RYR2: variants seen among roughly 807,000 people sequenced by gnomAD.
The protein encoded by RYR2 is ryanodine receptor 2, also known as cardiac muscle ryanodine receptor-calcium release channel.
RYR2 carries 227 observed loss-of-function variants against 601.1 expected under a neutral mutation model. The observed-to-expected ratio is 0.38, with a 90% CI of 0.34 to 0.42. RYR2 has a LOEUF of 0.42. Among genes scored for constraint, RYR2 ranks in the 10% least tolerant of loss-of-function variants. The probability of loss-of-function intolerance (pLI) is 1.00; values close to 1 mark genes in which losing one functional copy is unlikely to be tolerated. For missense variants in RYR2, 4,646 were observed against 6,156.5 expected (o/e 0.75, Z 8.21); for synonymous variants, 2,223 against 2,175.1 (o/e 1.02, Z -0.61).
At chr1:237,125,091 T>G (rs1671260079) in intron 1 of RYR2, among the ~76,000 whole-genome samples, 1 of 152,202 alleles carries the variant, frequency 6.6e-6, no homozygotes. Context: ...ACGTGCATTT[T>G]GCAGATAGAA....
At chr1:237,075,279 T>C (rs1664875194) in intron 1 of RYR2, among the ~76,000 whole-genome samples, 1 of 151,996 alleles carries the variant, frequency 6.6e-6, no homozygotes, top group African/African-American at 2.4e-5. Context: ...GGAGCCAAGA[T>C]GGCCGAATAG....
chr1:237,319,186 G>T, intron 2 of RYR2, among the ~76,000 whole-genome samples: 1 of 151,728 alleles, frequency 6.6e-6, no homozygotes, highest in African/African-American at 2.4e-5. Flanking sequence ...AATTTCTATT[G>T]GTTGATTCAT....
At chr1:237,131,520 A>G (rs1036660159) in intron 1 of RYR2, among the ~76,000 whole-genome samples, 1 of 152,166 alleles carries the variant, frequency 6.6e-6, no homozygotes, top group Non-Finnish European at 1.5e-5. Flanking sequence ...AAAAATAGCT[A>G]TGATTAATAA....
At chr1:237,176,302 A>AT (rs11341149) in intron 1 of RYR2, among the ~76,000 whole-genome samples, 2 of 147,512 alleles carry the variant, frequency 1.4e-5, no homozygotes, top group South Asian at 2.1e-4. Context: ...ATAAATATAT[A>AT]TTTTTTTATT....
chr1:237,112,116 TTTTG>T lies in RYR2; in HGVS notation c.48+69560_48+69563del, dbSNP rs141064778. Among the ~76,000 whole-genome samples the T allele has an allele frequency of 2.4e-3, 359 of 152,234 alleles. 2 individuals carry two copies. The highest frequency in any genetic ancestry group is 3.4e-3 in the Middle Eastern group (1 of 294). ...GATGTTTTTGCTACTTCCCCTACTC[TTTTG>T]TTTGTTTGTTTGAGATGGAGTTTTG... On this transcript the variant is annotated intron_variant, in intron 1 of 104. Coordinates refer to ENST00000366574, the MANE Select transcript of RYR2 (RefSeq NM_001035.3).
At chr1:237,641,718 T>A (rs1681570872) in intron 47 of RYR2, among the ~76,000 whole-genome samples, 1 of 152,116 alleles carries the variant, frequency 6.6e-6, no homozygotes, top group South Asian at 2.1e-4. Context: ...ATTTTTGTAT[T>A]TTTAGTAGAG....
In RYR2 at chr1:237,697,671, T is replaced by C. The variant is rs540047292; in HGVS notation, c.9068-1294T>C. Among the ~76,000 whole-genome samples, 122 of 151,404 alleles carry C rather than the reference T, an allele frequency of 8.1e-4. 1 individual carries two copies. The highest frequency in any genetic ancestry group is 2.7e-3 in the African/African-American group (112 of 41,354). On this transcript the variant is annotated intron_variant, in intron 63 of 104. Coordinates refer to ENST00000366574, the MANE Select transcript of RYR2 (RefSeq NM_001035.3). The stretch of plus-strand genomic sequence containing the variant: ...AATGCAAGTACCATAAGGACTATTT[T>C]GTTCATTACTGGAAATTTGAGAGTG...
intron 1 of RYR2, among the ~76,000 whole-genome samples, chr1:237,161,982 T>C (rs1676067304): frequency 6.6e-6 from 1 of 152,210 alleles, no homozygotes; most frequent in African/African-American, 2.4e-5. Context: ...AATTTTTTTT[T>C]TGGTTTGGTT....
intron 2 of RYR2, among the ~76,000 whole-genome samples, chr1:237,303,292 CTTTTTTT>C (rs386370109): frequency 0.01 from 874 of 85,248 alleles, 6 homozygotes; most frequent in African/African-American, 0.038. Context: ...CTGCGGTTAT[CTTTTTTT>C]TTTTTTTTTT....
In RYR2 at chr1:237,634,874, C is replaced by T. The variant is rs1260640934; in HGVS notation, c.6689-15C>T. On this transcript the variant is annotated splice_polypyrimidine_tract_variant and intron_variant, in intron 43 of 104. Transcript: ENST00000366574. ...CACGATCCAGGTTATATTTCATCTT[C>T]ATTTGAATTAATAGCCTCCCCAGCT... 2 of 1,583,490 alleles carry T rather than the reference C, an allele frequency of 1.3e-6. No individual in the cohort carries two copies. The highest frequency in any genetic ancestry group is 2.3e-5 in the East Asian group (1 of 44,180).
chr1:237,810,621 C>T (rs1661149448), intron 100 of RYR2, among the ~76,000 whole-genome samples: 1 of 151,920 alleles, frequency 6.6e-6, no homozygotes. Flanking sequence ...TAGTACTTTA[C>T]CTAAAGGTTT....
rs75148700 is a variant in RYR2 at position 237,639,876 on chromosome 1, A to G, written c.7115+675A>G. On this transcript the variant is annotated intron_variant, in intron 46 of 104. Coordinates refer to ENST00000366574, the MANE Select transcript of RYR2 (RefSeq NM_001035.3). ...TAGGGCTTTATTGAGGCACATTTCT[A>G]AAGAAAAAAAAGAGTTAGAGGGCAC... Among the ~76,000 whole-genome samples the G allele has an allele frequency of 9.5e-4, 145 of 152,248 alleles. 1 individual carries two copies. Among genetic ancestry groups the G allele is most frequent in the African/African-American group, 3.3e-3 (139 of 41,546 alleles).
At chr1:237,383,546 C>T (rs915561123) in intron 8 of RYR2, among the ~76,000 whole-genome samples, 2 of 148,644 alleles carry the variant, frequency 1.3e-5, no homozygotes, top group African/African-American at 2.5e-5. Flanking sequence ...TCTCCTGCCT[C>T]AGCCTCCTGA....
At chr1:237,412,870 A>G (rs1558775681) in intron 10 of RYR2, among the ~76,000 whole-genome samples, 1 of 152,266 alleles carries the variant, frequency 6.6e-6, no homozygotes, top group South Asian at 2.1e-4. Flanking sequence ...ATGAGTTCAA[A>G]GTTGGTAATA....
intron 72 of RYR2, among the ~76,000 whole-genome samples, chr1:237,718,206 C>A (rs1349384826): frequency 6.6e-6 from 1 of 152,178 alleles, no homozygotes; most frequent in Non-Finnish European, 1.5e-5. Context: ...CCCCCTTCTT[C>A]TTATGAATTG....
In RYR2 at chr1:237,632,214, T is replaced by A. The variant is rs554415208; in HGVS notation, c.6555+673T>A. On this transcript the variant is annotated intron_variant, in intron 42 of 104. Transcript: ENST00000366574. ...TCTATGTGTTAATTTATTTTAAAAT[T>A]TTGAATTATAATTCAGTTCTCATCA... is the stretch of plus-strand genomic sequence containing the variant. Among the ~76,000 whole-genome samples the A allele has an allele frequency of 3.0e-4, 46 of 151,812 alleles. 1 individual carries two copies. The highest frequency in any genetic ancestry group is 2.0e-4 in the Admixed American group (3 of 15,208).
At chr1:237,381,763 G>T (rs1701538620) in intron 8 of RYR2, among the ~76,000 whole-genome samples, 1 of 152,088 alleles carries the variant, frequency 6.6e-6, no homozygotes, top group African/African-American at 2.4e-5. Context: ...GAACATTGGG[G>T]CTCAATTCTG....
At chr1:237,127,669 G>T (rs1456787563) in intron 1 of RYR2, among the ~76,000 whole-genome samples, 1 of 151,358 alleles carries the variant, frequency 6.6e-6, no homozygotes, top group Non-Finnish European at 1.5e-5. Flanking sequence ...CTTCTCAGAC[G>T]GGGCGGCCGG....
chr1:237,500,770 A>T lies in RYR2; in HGVS notation c.2263A>T (p.Ile755Phe). The change falls in exon 21 of 105, where the codon ATC becomes TTC. Residue 755 changes from isoleucine to phenylalanine, a missense_variant. Around this residue, in one of 17 missense-constraint regions of RYR2, gnomAD observed 1,807 missense variants for 2,088.1 expected, o/e 0.87. Transcript: ENST00000366574. ...ACATCTGTTAAGAACTGATGATGTC[A>T]TCAGTTGCTGTTTAGATCTGAGTGC... Reference protein sequence around the residue: ...NQHLLRTDDVISCCLDLSAPS... With the variant: ...NQHLLRTDDVFSCCLDLSAPS... 2 of 1,613,982 alleles carry T rather than the reference A, an allele frequency of 1.2e-6. No homozygotes were observed. Among genetic ancestry groups the T allele is most frequent in the Non-Finnish European group, 1.7e-6 (2 of 1,179,874 alleles).
Sources: allele counts gnomAD v4.1 joint callset (sites outside exome capture counted in the v4.1 genomes callset), GRCh38; gene constraint gnomAD v4.1.1; regional missense constraint gnomAD v4.1.1; transcripts MANE v1.5; gene names NCBI Gene and HGNC (gene_info 2026-07-23, HGNC 2026-07-21).